LEF1: variants seen among roughly 807,000 people sequenced by gnomAD.
The protein encoded by LEF1 is lymphoid enhancer-binding factor 1.
LEF1 carries 14 observed loss-of-function variants against 51.2 expected under a neutral mutation model. The observed-to-expected ratio is 0.27, with a 90% CI of 0.18 to 0.43. The LOEUF (loss-of-function observed/expected upper bound fraction) is 0.43, where lower values mean the gene tolerates loss of function less well. Among genes scored for constraint, LEF1 ranks in the 20% least tolerant of loss-of-function variants. The pLI is 1.00. For synonymous variants in LEF1, 185 were observed against 183.2 expected, an observed-to-expected ratio of 1.01 and a Z score of -0.08; for missense variants, 386 against 512.0, an observed-to-expected ratio of 0.75 and a Z score of 2.37.
chr4:108,163,526 T>G, intron 3 of LEF1, 42 bp downstream of exon 3: 1 of 1,592,594 alleles, frequency 6.3e-7, no homozygotes, highest in African/African-American at 1.3e-5. Flanking sequence ...CAAATCAATT[T>G]GCACTTCTGA....
intron 3 of LEF1, among the ~76,000 whole-genome samples, chr4:108,135,334 A>G (rs1743190240): frequency 6.6e-6 from 1 of 152,194 alleles, no homozygotes. Context: ...TGTAACTAGG[A>G]GTGGGGCCAC....
chr4:108,059,145 G>A (rs1235894525), intron 11 of LEF1, among the ~76,000 whole-genome samples: 1 of 152,102 alleles, frequency 6.6e-6, no homozygotes, highest in Admixed American at 6.5e-5. Context: ...ATTTCACCAG[G>A]GTGAAACATT....
intron 9 of LEF1, among the ~76,000 whole-genome samples, chr4:108,069,266 C>T (rs1055699321): frequency 7.2e-5 from 11 of 152,136 alleles, no homozygotes; most frequent in Non-Finnish European, 1.6e-4. Flanking sequence ...CTCACCATGT[C>T]CATGGTATTT....
At position 108,103,089 on chromosome 4, in the gene LEF1, C is replaced by A. The variant is rs190464979; in HGVS notation, c.415-13832G>T. Among the ~76,000 whole-genome samples the A allele has an allele frequency of 2.0e-5, 3 of 152,198 alleles. No individual in the cohort carries two copies. The East Asian group carries it at 5.8e-4, about 29-fold the overall frequency. On this transcript the variant is annotated intron_variant, in intron 3 of 11. Coordinates refer to ENST00000265165, the MANE Select transcript of LEF1 (RefSeq NM_016269.5). ...TAAGAGCACGCAGCTCCCGTCACTA[C>A]GTGGGTCTCAAAAGTTGACCTAGAG...
At chr4:108,115,796 A>C (rs1042049876) in intron 3 of LEF1, among the ~76,000 whole-genome samples, 1 of 151,682 alleles carries the variant, frequency 6.6e-6, no homozygotes, top group Non-Finnish European at 1.5e-5. Flanking sequence ...TTTACCAATA[A>C]GGAAACTGAG....
intron 3 of LEF1, among the ~76,000 whole-genome samples, chr4:108,097,453 T>C (rs910590781): frequency 2.8e-4 from 43 of 152,184 alleles, no homozygotes; most frequent in African/African-American, 1.0e-3. Context: ...GGGGGTTGGG[T>C]GAGTGGGGAT....
intron 8 of LEF1, chr4:108,075,479 T>A (rs1345740126): frequency 6.6e-6 from 1 of 152,216 alleles, no homozygotes; most frequent in Non-Finnish European, 1.5e-5. Context: ...CATGAATTTC[T>A]TGAGAGGTTG....
intron 3 of LEF1, 42 bp from the exon 4 acceptor site, chr4:108,089,299 A>G: frequency 3.8e-6 from 6 of 1,585,814 alleles, no homozygotes; most frequent in Non-Finnish European, 5.1e-6. Context: ...ATGGATGCCC[A>G]GCTCCAGTCT....
At chr4:108,059,241 C>A (rs1156903989) in intron 11 of LEF1, among the ~76,000 whole-genome samples, 2 of 152,234 alleles carry the variant, frequency 1.3e-5, no homozygotes, top group Non-Finnish European at 2.9e-5. Context: ...AGCCTCTCCG[C>A]TGGGCTGCAT....
At chr4:108,049,800 G>T (rs1360849105) in intron 11 of LEF1, among the ~76,000 whole-genome samples, 1 of 152,176 alleles carries the variant, frequency 6.6e-6, no homozygotes, top group African/African-American at 2.4e-5. Context: ...AGAAATAAAA[G>T]GAAACTTTGA....
At chr4:108,144,001 A>G (rs1425774869) in intron 3 of LEF1, among the ~76,000 whole-genome samples, 1 of 152,092 alleles carries the variant, frequency 6.6e-6, no homozygotes, top group Non-Finnish European at 1.5e-5. Context: ...TCTCTTGAAG[A>G]ACCTGGAGGG....
intron 3 of LEF1, among the ~76,000 whole-genome samples, chr4:108,093,429 G>C (rs1235711182): frequency 6.6e-6 from 1 of 152,088 alleles, no homozygotes; most frequent in Non-Finnish European, 1.5e-5. Flanking sequence ...GGGAGAGAGG[G>C]TAAAAATCAC....
intron 11 of LEF1, among the ~76,000 whole-genome samples, chr4:108,059,996 T>A (rs976478686): frequency 6.6e-6 from 1 of 152,126 alleles, no homozygotes; most frequent in Non-Finnish European, 1.5e-5. Flanking sequence ...GGAGGATTGG[T>A]TCTAATCAAG....
intron 4 of LEF1, among the ~76,000 whole-genome samples, chr4:108,088,649 A>C (rs1305333415): frequency 6.6e-6 from 1 of 152,258 alleles, no homozygotes; most frequent in Non-Finnish European, 1.5e-5. Flanking sequence ...TTTATACATC[A>C]ATGATTATGT....
In LEF1 at chr4:108,167,417, C is replaced by G; in HGVS notation, c.213+138G>C. Reference sequence around the variant, plus strand: ...ACACTGCGGACCGGGGGCCCAGCTACGCACACACCCCAAAACAAACGAGGG... The same window carrying G: ...ACACTGCGGACCGGGGGCCCAGCTAGGCACACACCCCAAAACAAACGAGGG... On this transcript the variant is annotated intron_variant, in intron 1 of 11. Transcript: ENST00000265165. This position sits in a 1 kb window ranked among gnomAD's most constrained non-coding sequence, Gnocchi z 5.7. The G allele has an allele frequency of 1.4e-6, 1 of 736,702 alleles. No homozygotes were observed. The highest frequency in any genetic ancestry group is 2.3e-6 in the Non-Finnish European group (1 of 441,028). The allele number at this position is 736,702 out of a possible 1,614,324, so 45.6% of individuals were successfully genotyped here. A position where few individuals can be genotyped will look rare whatever the true frequency, so the allele number is the denominator to read the frequency against.
chr4:108,158,740 C>G (rs1370760404), intron 3 of LEF1, among the ~76,000 whole-genome samples: 4 of 151,970 alleles, frequency 2.6e-5, no homozygotes, highest in African/African-American at 4.8e-5. Flanking sequence ...AAAAACTCAT[C>G]CGCTACAAAA....
At chr4:108,160,991 A>T (rs1430822576) in intron 3 of LEF1, among the ~76,000 whole-genome samples, 1 of 152,196 alleles carries the variant, frequency 6.6e-6, no homozygotes, top group Non-Finnish European at 1.5e-5. Flanking sequence ...AAGAAGCAGG[A>T]TGCCAAGGGG....
intron 3 of LEF1, among the ~76,000 whole-genome samples, chr4:108,131,824 A>T (rs1188952286): frequency 6.6e-6 from 1 of 152,224 alleles, no homozygotes; most frequent in Non-Finnish European, 1.5e-5. Context: ...AGTAAAAAAA[A>T]CTAAGGTGCG....
At chr4:108,127,839 G>C (rs1220704138) in intron 3 of LEF1, among the ~76,000 whole-genome samples, 1 of 152,140 alleles carries the variant, frequency 6.6e-6, no homozygotes, top group Non-Finnish European at 1.5e-5. Flanking sequence ...AAGGGTTTGG[G>C]ACTAGGCAAA....
Sources: allele counts gnomAD v4.1 joint callset (sites outside exome capture counted in the v4.1 genomes callset), GRCh38; gene constraint gnomAD v4.1.1; non-coding constraint Gnocchi (gnomAD v3.1); transcripts MANE v1.5; gene names NCBI Gene and HGNC (gene_info 2026-07-23, HGNC 2026-07-21).